SGSM3: variants seen among roughly 807,000 people sequenced by gnomAD.
SGSM3 encodes the protein small G protein signaling modulator 3.
In SGSM3, 96 loss-of-function variants were observed where a neutral mutation model predicts 100.5. The ratio of observed to expected loss-of-function variants is 0.96; its 90% CI spans 0.81 to 1.13. SGSM3 has a LOEUF of 1.13. Among genes scored for constraint, SGSM3 ranks in the 50% most tolerant of loss-of-function variants. The pLI is 0.00. For synonymous variants in SGSM3, 483 were observed against 422.8 expected (o/e 1.14, Z -1.75); for missense variants, 1,001 against 1,015.8 (o/e 0.99, Z 0.20).
rs1249843928 is a variant in SGSM3, at chr22:40,408,114, C to T, written c.1623C>T (p.Ser541=). The T allele has an allele frequency of 2.2e-6, 3 of 1,357,666 alleles. No homozygotes were observed. The highest frequency in any genetic ancestry group is 3.1e-6 in the Non-Finnish European group (3 of 954,588). The allele number at this position is 1,357,666 out of a possible 1,614,324, so 84.1% of individuals were successfully genotyped here. A position where few individuals can be genotyped will look rare whatever the true frequency, so the allele number is the denominator to read the frequency against. The change falls in exon 15 of 22, where the codon AGC becomes AGT. Residue 541 remains serine, a synonymous_variant. Coordinates refer to ENST00000248929, the MANE Select transcript of SGSM3 (RefSeq NM_015705.6). ...AKFVEVLDER[S]KEYSIAGDDS... ...TCGTGGAAGTCCTGGATGAGCGCAG[C>T]AAAGAGGTGAGGGGGGTGGGCGGGC...
intron 1 of SGSM3, among the ~76,000 whole-genome samples, chr22:40,377,744 G>A (rs1004684205): frequency 8.6e-5 from 13 of 151,856 alleles, no homozygotes; most frequent in Non-Finnish European, 1.8e-4. Context: ...TACTTGGGAG[G>A]CTGAGGTGGG....
chr22:40,384,653 G>C (rs1377788564), intron 1 of SGSM3, among the ~76,000 whole-genome samples: 1 of 152,096 alleles, frequency 6.6e-6, no homozygotes, highest in African/African-American at 2.4e-5. Context: ...GGTGGCGGGC[G>C]CCTGTAGTCC....
Position 40,408,311 on chromosome 22 carries a change from G to A in SGSM3, c.1664G>A (p.Gly555Glu). Residue 555 changes from glycine to glutamate, a missense_variant, in exon 16 of 22, where the codon GGG (glycine) becomes GAG (glutamate). Coordinates refer to ENST00000248929, the MANE Select transcript of SGSM3 (RefSeq NM_015705.6). ...GCGGGGGATGACTCGGTGACGGAGG[G>A]GGTCACAGACCTCGTGCGAGGGACC... Reference protein sequence around the residue: ...SIAGDDSVTEGVTDLVRGTLC... With the variant: ...SIAGDDSVTEEVTDLVRGTLC... 1.2e-6 allele frequency: 2 copies of A among 1,613,556 alleles called. No individual in the cohort carries two copies. Among genetic ancestry groups the A allele is most frequent in the South Asian group, 1.1e-5 (1 of 91,084 alleles).
intron 4 of SGSM3, chr22:40,403,976 G>A (rs1351587141): frequency 1.6e-5 from 5 of 322,092 alleles, no homozygotes; most frequent in East Asian, 4.8e-5. Context: ...GCTGAGCATC[G>A]GGAGAATGGA....
chr22:40,408,862 C>G lies in SGSM3; in HGVS notation c.1902+20C>G. The G allele has an allele frequency of 6.2e-7, 1 of 1,613,910 alleles. No individual in the cohort carries two copies. The highest frequency in any genetic ancestry group is 8.5e-7 in the Non-Finnish European group (1 of 1,180,002). On this transcript the variant is annotated intron_variant, in intron 18 of 21. Coordinates refer to ENST00000248929, the MANE Select transcript of SGSM3 (RefSeq NM_015705.6). Reference sequence around the variant, plus strand: ...TACCGGGTAAGGGGGCCTCCTCTGCCAGACCCTAGAGACCTCTCTGGGGTT... The same window carrying G: ...TACCGGGTAAGGGGGCCTCCTCTGCGAGACCCTAGAGACCTCTCTGGGGTT...
chr22:40,373,714 C>T (rs889995572), intron 1 of SGSM3, among the ~76,000 whole-genome samples: 2 of 150,114 alleles, frequency 1.3e-5, no homozygotes, highest in African/African-American at 2.5e-5. Context: ...CTCCCGAGTT[C>T]AAGCAGTTCT....
chr22:40,409,335 C>T lies in SGSM3; in HGVS notation c.2074C>T (p.Arg692Cys), dbSNP rs763833025. The T allele has an allele frequency of 2.2e-5, 35 of 1,612,548 alleles. No homozygotes were observed. Among genetic ancestry groups the T allele is most frequent in the East Asian group, 4.5e-5 (2 of 44,870 alleles). Residue 692 changes from arginine (R) to cysteine (C), a missense_variant, in exon 20 of 22, where the codon CGC (arginine) becomes TGC (cysteine). By Grantham distance (180) the Arg-to-Cys change is radical (BLOSUM62 -3). Transcript: ENST00000248929. Reference protein sequence around the residue: ...EKWYQPWSFLRSPGWVQIKCE... With the variant: ...EKWYQPWSFLCSPGWVQIKCE... ...GTGGTACCAGCCCTGGTCCTTCCTGCGCAGCCCGGGCTGGGTCCAGATCAA... is the reference window on the plus strand; with the variant it reads ...GTGGTACCAGCCCTGGTCCTTCCTGTGCAGCCCGGGCTGGGTCCAGATCAA...
At chr22:40,404,805 C>A in intron 6 of SGSM3, 141 bp downstream of exon 6, 1 of 680,552 alleles carries the variant, frequency 1.5e-6, no homozygotes, top group Non-Finnish European at 2.5e-6. Context: ...CCTCTGCAGG[C>A]CAAAGAAAGA....
At chr22:40,389,243 T>G (rs1426733489) in intron 1 of SGSM3, among the ~76,000 whole-genome samples, 1 of 152,074 alleles carries the variant, frequency 6.6e-6, no homozygotes, top group African/African-American at 2.4e-5. Context: ...CCAGAGAGAC[T>G]GTGTGTTAAG....
chr22:40,407,581 G>A lies in SGSM3; in HGVS notation c.1524+13G>A, dbSNP rs936005987. 74 of 1,600,246 alleles carry A rather than the reference G, an allele frequency of 4.6e-5. 1 individual carries two copies. Among genetic ancestry groups the A allele is most frequent in the South Asian group, 8.8e-5 (8 of 90,978 alleles). On this transcript the variant is annotated intron_variant, in intron 13 of 21. Transcript: ENST00000248929. This position sits in a 1 kb window ranked among gnomAD's most constrained non-coding sequence, Gnocchi z 4.7. ...CGACATCATCACAGTGCGTGGGGGC[G>A]CTGGACTACCAGGTCCTCAGGCTGT...
chr22:40,379,455 G>C (rs2047203047), intron 1 of SGSM3: 1 of 152,160 alleles, frequency 6.6e-6, no homozygotes, highest in African/African-American at 2.4e-5. Flanking sequence ...CTCTTCATAA[G>C]GACCAGAGTC....
intron 6 of SGSM3, 67 bp downstream of exon 6, chr22:40,404,731 G>GC: frequency 1.7e-6 from 2 of 1,157,556 alleles, no homozygotes; most frequent in Non-Finnish European, 2.5e-6. Flanking sequence ...GAGGGAGCCT[G>GC]CCTGGGGTTC....
intron 4 of SGSM3, among the ~76,000 whole-genome samples, chr22:40,402,758 T>C (rs2050929024): frequency 6.6e-6 from 1 of 152,174 alleles, no homozygotes; most frequent in South Asian, 2.1e-4. Context: ...AAAAAGCATA[T>C]TTTCAATGGC....
At chr22:40,376,915 G>A (rs2046727986) in intron 1 of SGSM3, among the ~76,000 whole-genome samples, 1 of 152,146 alleles carries the variant, frequency 6.6e-6, no homozygotes, top group Non-Finnish European at 1.5e-5. Context: ...AAAGCATTTT[G>A]CACACATTTT....
intron 2 of SGSM3, among the ~76,000 whole-genome samples, chr22:40,401,356 C>A (rs1198814736): frequency 6.6e-6 from 1 of 152,100 alleles, no homozygotes; most frequent in Non-Finnish European, 1.5e-5. Flanking sequence ...TGGGTTCAAG[C>A]TATTCTCCTG....
Position 40,408,698 on chromosome 22 carries a change from G to A in SGSM3, c.1853+1G>A, listed in dbSNP as rs2052052345. 7 of 1,613,926 alleles carry A rather than the reference G, an allele frequency of 4.3e-6. No homozygotes were observed. The highest frequency in any genetic ancestry group is 5.1e-6 in the Non-Finnish European group (6 of 1,180,042). On this transcript the variant is annotated splice_donor_variant, in intron 17 of 21. Coordinates refer to ENST00000248929, the MANE Select transcript of SGSM3 (RefSeq NM_015705.6). LOFTEE classifies it high-confidence loss of function. ...GTCTGGTGCTCTGTAAGACCTTCAG[G>A]TAACTCGGCCCGGGTTCTTCTGGTG... is the stretch of plus-strand genomic sequence containing the variant.
chr22:40,401,669 C>G lies in SGSM3; in HGVS notation c.84C>G (p.Tyr28Ter). 2 of 1,612,562 alleles carry G rather than the reference C, an allele frequency of 1.2e-6. No individual in the cohort carries two copies. The highest frequency in any genetic ancestry group is 1.7e-6 in the Non-Finnish European group (2 of 1,178,986). Residue 28 changes from tyrosine to a stop codon, truncating the protein, a stop_gained, in exon 3 of 22, where the codon TAC becomes TAG. Coordinates refer to ENST00000248929, the MANE Select transcript of SGSM3 (RefSeq NM_015705.6). LOFTEE classifies it high-confidence loss of function. ...SIWPQEILAK[Y>*]TQKEESAEQP... ...GGCCCCAGGAGATCTTGGCCAAGTA[C>G]ACGCAGGTATAGCAGTTAGCCAGGC...
At chr22:40,405,004 C>T (rs1602068824) in intron 6 of SGSM3, 137 bp from the exon 7 acceptor site, 2 of 1,212,254 alleles carry the variant, frequency 1.6e-6, no homozygotes, top group Non-Finnish European at 2.3e-6. Flanking sequence ...TGGGAGCTGA[C>T]CCTGAAGGGA....
At chr22:40,403,691 C>T (rs981127021) in intron 4 of SGSM3, among the ~76,000 whole-genome samples, 2 of 152,120 alleles carry the variant, frequency 1.3e-5, no homozygotes, top group Non-Finnish European at 2.9e-5. Context: ...CTGGAAAGCC[C>T]TTGGCTTTAA....
Sources: gnomAD v4.1 joint callset for allele counts (sites outside exome capture counted in the v4.1 genomes callset) on GRCh38, gnomAD v4.1.1 for gene constraint, Gnocchi (gnomAD v3.1) non-coding constraint, MANE v1.5 for transcripts, NCBI Gene and HGNC (gene_info 2026-07-23, HGNC 2026-07-21) for gene names.